The following PUDP variants were observed in gnomAD, a reference collection of about 807,000 sequenced individuals.
PUDP encodes the protein pseudouridine-5'-phosphatase.
A neutral mutation model predicts 9.4 loss-of-function variants in PUDP; 8 were observed. The ratio of observed to expected loss-of-function variants is 0.85; its 90% CI spans 0.50 to 1.53. The LOEUF (loss-of-function observed/expected upper bound fraction) is 1.53, where lower values mean the gene tolerates loss of function less well. Among genes scored for constraint, PUDP ranks in the 40% most tolerant of loss-of-function variants. PUDP has a pLI of 0.00. For missense variants in PUDP, 188 were observed against 189.7 expected (o/e 0.99, Z 0.05); for synonymous variants, 99 against 80.7 (o/e 1.23, Z -1.22).
intron 3 of PUDP, among the ~76,000 whole-genome samples, chrX:6,858,322 C>CTTTTTTTTTTTCTTT (rs1926940560): frequency 1.1e-5 from 1 of 89,463 alleles, no homozygotes; most frequent in Non-Finnish European, 2.2e-5. Flanking sequence ...TTTTTTCTTT[C>CTTTTTTTTTTTCTTT]TTTTTTTTTT....
At chrX:7,044,462 G>GT (rs1048838331), downstream of PUDP, among the ~76,000 whole-genome samples, 2 of 112,588 alleles carry the variant, frequency 1.8e-5, no homozygotes, top group Non-Finnish European at 3.7e-5. Flanking sequence ...ACCAAGAAAA[G>GT]TATTTCTTTC....
chrX:6,857,292 C>T (rs982774601), intron 3 of PUDP, among the ~76,000 whole-genome samples: 2 of 113,014 alleles, frequency 1.8e-5, no homozygotes, highest in African/African-American at 3.2e-5. Context: ...GGGAACCCCA[C>T]GGAAGCCAAT....
chrX:6,764,401 T>C (rs1311786217), intron 3 of PUDP, among the ~76,000 whole-genome samples: 1 of 112,219 alleles, frequency 8.9e-6, no homozygotes, highest in Non-Finnish European at 1.9e-5. Flanking sequence ...ATTGGCCCTG[T>C]GGGTTTCTTC....
chrX:7,128,866 C>T (rs1425950437), intron 1 of PUDP, among the ~76,000 whole-genome samples: 2 of 111,944 alleles, frequency 1.8e-5, no homozygotes, highest in African/African-American at 6.5e-5. Flanking sequence ...GATGAAACAG[C>T]GGGGGCCCAA....
chrX:6,765,591 T>C lies in PUDP; in HGVS notation c.*248-59125A>G, dbSNP rs190820946. Among the ~76,000 whole-genome samples the C allele has an allele frequency of 5.0e-3, 557 of 112,015 alleles. 2 individuals are homozygous for C. The highest frequency in any genetic ancestry group is 8.4e-3 in the Non-Finnish European group (445 of 53,248). ...AACTTGTCAGATTTTCTTTCTAAAA[T>C]TCATCTGAAATCACTAATAAGCAAT... is the stretch of plus-strand genomic sequence containing the variant. On this transcript the variant is annotated intron_variant and NMD_transcript_variant, in intron 3 of 3. Coordinates refer to the PUDP transcript ENST00000655425.
intron 3 of PUDP, among the ~76,000 whole-genome samples, chrX:7,069,375 C>A (rs1388128098): frequency 3.6e-5 from 4 of 111,137 alleles, no homozygotes. Context: ...TGCCCCAAGG[C>A]TAGTGTTCTG....
chrX:6,851,593 C>T (rs758043246), intron 3 of PUDP, among the ~76,000 whole-genome samples: 3 of 111,381 alleles, frequency 2.7e-5, no homozygotes, highest in African/African-American at 6.5e-5. Flanking sequence ...TTCCTAGTTA[C>T]GATAATTACA....
At position 7,124,739 on chromosome X, in the gene PUDP, G is replaced by A. The variant is rs189720585; in HGVS notation, c.62-18901C>T. Among the ~76,000 whole-genome samples the A allele has an allele frequency of 7.8e-3, 867 of 111,111 alleles. 8 individuals carry two copies. The highest frequency in any genetic ancestry group is 0.026 in the African/African-American group (781 of 30,561). On this transcript the variant is annotated intron_variant, in intron 1 of 3. Transcript: ENST00000381077. ...AGGCGGGTGGATCACGAGGTCAGGA[G>A]ATCGAGACCATCCTGGCTAACACGG...
At chrX:6,776,460 T>C (rs1001929065) in intron 3 of PUDP, among the ~76,000 whole-genome samples, 1 of 110,627 alleles carries the variant, frequency 9.0e-6, no homozygotes, top group African/African-American at 3.3e-5. Context: ...GAACCCGGGA[T>C]GCAGAGTTTG....
chrX:6,945,847 C>T (rs1022364002), intron 3 of PUDP, among the ~76,000 whole-genome samples: 4 of 111,487 alleles, frequency 3.6e-5, no homozygotes, highest in Non-Finnish European at 7.5e-5. Context: ...CTAAGCCCCA[C>T]AACTGACTTA....
intron 3 of PUDP, among the ~76,000 whole-genome samples, chrX:6,787,880 C>G (rs140449803): frequency 7.6e-4 from 86 of 112,501 alleles, no homozygotes; most frequent in African/African-American, 2.8e-3. Context: ...CTAAAGCAGA[C>G]CCATATAATT....
chrX:6,943,036 G>C (rs1369640255), intron 3 of PUDP, among the ~76,000 whole-genome samples: 1 of 111,957 alleles, frequency 8.9e-6, no homozygotes, highest in Admixed American at 9.5e-5. Flanking sequence ...AAATGAAACC[G>C]ATGCACCCAA....
intron 3 of PUDP, among the ~76,000 whole-genome samples, chrX:6,894,750 T>C (rs917899260): frequency 9.0e-6 from 1 of 111,452 alleles, no homozygotes; most frequent in African/African-American, 3.3e-5. Context: ...AAAGGTTCCA[T>C]CTGTTACAGA....
chrX:6,731,929 T>C (rs779066733), intron 3 of PUDP, among the ~76,000 whole-genome samples: 3 of 111,785 alleles, frequency 2.7e-5, no homozygotes, highest in African/African-American at 6.5e-5. Context: ...AGTTACAATA[T>C]AACGACTGTA....
chrX:6,727,617 C>T (rs1423357818), intron 3 of PUDP, among the ~76,000 whole-genome samples: 1 of 111,571 alleles, frequency 9.0e-6, no homozygotes, highest in Admixed American at 9.5e-5. Context: ...GGAACATGGT[C>T]GTAGGTGGAG....
At chrX:7,135,896 C>T (rs1386914142) in intron 1 of PUDP, among the ~76,000 whole-genome samples, 1 of 111,190 alleles carries the variant, frequency 9.0e-6, no homozygotes, top group Non-Finnish European at 1.9e-5. Context: ...TAACACTCTC[C>T]TACACAGCCA....
chrX:7,041,865 CTCTTTTT>C (rs1490953593), intron 1 of PUDP, among the ~76,000 whole-genome samples: 16 of 40,430 alleles, frequency 4.0e-4, no homozygotes, highest in African/African-American at 2.5e-3. Flanking sequence ...CTCTCTCTCT[CTCTTTTT>C]TTTTTTTTTG....
intron 3 of PUDP, among the ~76,000 whole-genome samples, chrX:6,967,712 A>C (rs1928807801): frequency 9.0e-6 from 1 of 111,656 alleles, no homozygotes; most frequent in Admixed American, 9.5e-5. Context: ...GAGGCCTCAG[A>C]GAAACTAGAA....
intron 2 of PUDP, among the ~76,000 whole-genome samples, chrX:7,081,917 T>C (rs893907640): frequency 1.8e-5 from 2 of 113,005 alleles, no homozygotes; most frequent in African/African-American, 6.4e-5. Flanking sequence ...CCTAATCACC[T>C]GATTCAAAAC....
Sources: allele counts gnomAD v4.1 joint callset (sites outside exome capture counted in the v4.1 genomes callset), GRCh38; gene constraint gnomAD v4.1.1; transcripts MANE v1.5; gene names NCBI Gene and HGNC (gene_info 2026-07-23, HGNC 2026-07-21).